Variants in SLC1A1 observed in about 807,000 individuals in gnomAD.
The protein encoded by SLC1A1 is excitatory amino acid transporter 3.
SLC1A1 carries 43 observed loss-of-function variants against 53.3 expected under a neutral mutation model. That is an observed-to-expected ratio of 0.81 (90% CI 0.63 to 1.04). The LOEUF (loss-of-function observed/expected upper bound fraction) is 1.04, where lower values mean the gene tolerates loss of function less well. SLC1A1 is among the 50% of genes least tolerant of loss of function. SLC1A1 has a pLI of 0.00. For missense variants in SLC1A1, 748 were observed against 664.9 expected (o/e 1.12, Z -1.37); for synonymous variants, 307 against 243.2 (o/e 1.26, Z -2.44).
rs1213148792 is a variant in SLC1A1, at chr9:4,587,139, A to G, written c.*1581A>G. 1.3e-5 allele frequency: 2 copies of G among 152,672 alleles called. No homozygotes were observed. The highest frequency in any genetic ancestry group is 1.3e-4 in the Admixed American group (2 of 15,290). 9.5% of individuals were successfully genotyped at this position (152,672 alleles called of 1,614,324 possible). On this transcript the variant is annotated 3_prime_UTR_variant, in exon 12 of 12. Coordinates refer to ENST00000262352, the MANE Select transcript of SLC1A1 (RefSeq NM_004170.6). Reference sequence around the variant, plus strand: ...TCAGTATTGACGACCTACATCTGAAATCTACAACATAATGATACTGAATTG... The same window carrying G: ...TCAGTATTGACGACCTACATCTGAAGTCTACAACATAATGATACTGAATTG...
chr9:4,536,893 G>A (rs561812604), intron 1 of SLC1A1, among the ~76,000 whole-genome samples: 1 of 151,886 alleles, frequency 6.6e-6, no homozygotes, highest in Admixed American at 6.6e-5. Flanking sequence ...GTCCTTTGTA[G>A]GGACATGTAT....
At chr9:4,566,131 C>G in intron 5 of SLC1A1, 42 bp downstream of exon 5, 1 of 1,533,282 alleles carries the variant, frequency 6.5e-7, no homozygotes, top group Non-Finnish European at 9.0e-7. Context: ...TACCCTCTTC[C>G]CATTATCAAT....
chr9:4,513,048 T>TA (rs1821048967), intron 1 of SLC1A1, among the ~76,000 whole-genome samples: 1 of 151,958 alleles, frequency 6.6e-6, no homozygotes, highest in South Asian at 2.1e-4. Context: ...AACCTCAACC[T>TA]AAAATCACAT....
chr9:4,498,943 A>G (rs888892472), intron 1 of SLC1A1, among the ~76,000 whole-genome samples: 1 of 146,754 alleles, frequency 6.8e-6, no homozygotes. Context: ...TATTATATAC[A>G]TAATATATAC....
intron 11 of SLC1A1, among the ~76,000 whole-genome samples, chr9:4,584,914 C>A (rs1324670177): frequency 1.3e-5 from 2 of 152,166 alleles, no homozygotes; most frequent in African/African-American, 2.4e-5. Flanking sequence ...CACAAAACAC[C>A]CAAGTTCTCT....
At chr9:4,541,331 C>A (rs1816987273) in intron 1 of SLC1A1, among the ~76,000 whole-genome samples, 1 of 152,216 alleles carries the variant, frequency 6.6e-6, no homozygotes, top group Admixed American at 6.5e-5. Flanking sequence ...TGCTTCTATA[C>A]AGCAAACAAA....
chr9:4,551,997 C>T (rs1238289945), intron 2 of SLC1A1, among the ~76,000 whole-genome samples: 1 of 152,136 alleles, frequency 6.6e-6, no homozygotes, highest in Non-Finnish European at 1.5e-5. Flanking sequence ...ATAAATATGC[C>T]CTGCTTTAGT....
chr9:4,551,512 T>A (rs1307068631), intron 2 of SLC1A1, among the ~76,000 whole-genome samples: 1 of 152,228 alleles, frequency 6.6e-6, no homozygotes, highest in Non-Finnish European at 1.5e-5. Flanking sequence ...CACTTTGTTG[T>A]ACAACTTGCT....
intron 1 of SLC1A1, among the ~76,000 whole-genome samples, chr9:4,544,221 G>C (rs566921468): frequency 6.6e-6 from 1 of 152,056 alleles, no homozygotes. Context: ...GGTAGAAAAA[G>C]GTGGTGTGTG....
intron 1 of SLC1A1, among the ~76,000 whole-genome samples, chr9:4,504,654 T>G (rs1820740093): frequency 6.6e-6 from 1 of 152,198 alleles, no homozygotes; most frequent in African/African-American, 2.4e-5. Context: ...GATAAAGATC[T>G]TGTTGTCATA....
intron 1 of SLC1A1, among the ~76,000 whole-genome samples, chr9:4,499,789 A>G (rs1306527184): frequency 1.3e-5 from 2 of 152,220 alleles, no homozygotes; most frequent in African/African-American, 4.8e-5. Flanking sequence ...TTAGTACAGT[A>G]AAACTACAAA....
rs116222972 is a variant in SLC1A1 at position 4,572,371 on chromosome 9, C to T, written c.750C>T (p.Ile250=). ...FNALSDATMK[I]VQIIMCYMPL... ...CTTTGAGTGATGCAACCATGAAAATCGTTCAGATCATCATGTGGTGAGCAG... is the reference window on the plus strand; with the variant it reads ...CTTTGAGTGATGCAACCATGAAAATTGTTCAGATCATCATGTGGTGAGCAG... The change falls in exon 7 of 12, where the codon ATC becomes ATT. Residue 250 remains isoleucine (I), a synonymous_variant. Coordinates refer to ENST00000262352, the MANE Select transcript of SLC1A1 (RefSeq NM_004170.6). 5.8e-4 allele frequency: 942 copies of T among 1,613,956 alleles called. 10 individuals are homozygous for T. In the African/African-American group the frequency reaches 0.012, roughly 20 times the overall value.
chr9:4,558,463 G>A (rs977781658), intron 2 of SLC1A1, among the ~76,000 whole-genome samples: 1 of 152,200 alleles, frequency 6.6e-6, no homozygotes, highest in African/African-American at 2.4e-5. Context: ...AAAGACCCGT[G>A]CTGAAAGTTA....
chr9:4,522,827 A>G (rs1816129931), intron 1 of SLC1A1, among the ~76,000 whole-genome samples: 1 of 152,160 alleles, frequency 6.6e-6, no homozygotes, highest in African/African-American at 2.4e-5. Context: ...TCCATGATCC[A>G]ATCACCTTCC....
At chr9:4,581,767 G>T (rs931494833) in intron 10 of SLC1A1, among the ~76,000 whole-genome samples, 1 of 152,112 alleles carries the variant, frequency 6.6e-6, no homozygotes, top group Non-Finnish European at 1.5e-5. Flanking sequence ...TACAGCCCCA[G>T]AAATCTCTAA....
chr9:4,542,068 A>G (rs935587506), intron 1 of SLC1A1, among the ~76,000 whole-genome samples: 3 of 151,102 alleles, frequency 2.0e-5, no homozygotes. Flanking sequence ...TTCACTAGCC[A>G]TTTCTTGTAT....
intron 6 of SLC1A1, among the ~76,000 whole-genome samples, chr9:4,571,269 A>G (rs1232393481): frequency 6.6e-6 from 1 of 152,208 alleles, no homozygotes; most frequent in South Asian, 2.1e-4. Context: ...ATCAGGAAAA[A>G]TAATTAATGG....
rs10974609 is a variant in SLC1A1 at position 4,539,620 on chromosome 9, G to T, written c.92-4947G>T. Among the ~76,000 whole-genome samples, 19 of 152,100 alleles carry T rather than the reference G, an allele frequency of 1.2e-4. 1 individual carries two copies. The highest frequency in any genetic ancestry group is 8.5e-4 in the Admixed American group (13 of 15,278). ...GGAATCTCACTCTGTCATCTAGGCT[G>T]GAGTACAGTGGCATGATCTCGGCTC... On this transcript the variant is annotated intron_variant, in intron 1 of 11. Coordinates refer to ENST00000262352, the MANE Select transcript of SLC1A1 (RefSeq NM_004170.6).
At chr9:4,500,371 C>T (rs188252546) in intron 1 of SLC1A1, among the ~76,000 whole-genome samples, 4 of 152,080 alleles carry the variant, frequency 2.6e-5, no homozygotes, top group South Asian at 2.1e-4. Flanking sequence ...TGCAGTAGTG[C>T]GATCTCGGCT....
Sources: allele counts gnomAD v4.1 joint callset (sites outside exome capture counted in the v4.1 genomes callset), GRCh38; gene constraint gnomAD v4.1.1; transcripts MANE v1.5; gene names NCBI Gene and HGNC (gene_info 2026-07-23, HGNC 2026-07-21).